The following CFAP74 variants were observed in gnomAD, a reference collection of about 807,000 sequenced individuals.
The protein encoded by CFAP74 is cilia and flagella associated protein 74, also known as cilia- and flagella-associated protein 74.
In CFAP74, 124 loss-of-function variants were observed where a neutral mutation model predicts 188.9. The observed-to-expected ratio is 0.66, with a 90% confidence interval of 0.57 to 0.76. CFAP74 has a LOEUF of 0.76. Ranked by LOEUF, CFAP74 falls within the 30% of genes least tolerant of loss-of-function variation. The pLI is 0.00. For missense variants in CFAP74, 2,198 were observed against 2,165.2 expected, an observed-to-expected ratio of 1.02 and a Z score of -0.30; for synonymous variants, 956 against 916.7, an observed-to-expected ratio of 1.04 and a Z score of -0.77.
intron 18 of CFAP74, 21 bp downstream of exon 18, chr1:1,955,670 T>C (rs1654563642): frequency 1.9e-6 from 3 of 1,604,766 alleles, no homozygotes; most frequent in Non-Finnish European, 2.6e-6. Context: ...CACCCTGGCT[T>C]GGCCTGGCAG....
intron 22 of CFAP74, among the ~76,000 whole-genome samples, chr1:1,941,620 G>A (rs1653381193): frequency 6.6e-6 from 1 of 152,184 alleles, no homozygotes; most frequent in Non-Finnish European, 1.5e-5. Context: ...AGGGAAGACA[G>A]CGGGGGAGTG....
At chr1:1,922,863 C>T (rs1182144218) in intron 37 of CFAP74, 122 bp downstream of exon 37, 70 of 1,485,478 alleles carry the variant, frequency 4.7e-5, no homozygotes, top group East Asian at 1.4e-4. Context: ...ACAGGAAGTC[C>T]GAGAAAAGCC....
intron 27 of CFAP74, 23 bp from the exon 28 acceptor site, chr1:1,927,769 T>C: frequency 6.5e-7 from 1 of 1,547,086 alleles, no homozygotes; most frequent in Non-Finnish European, 8.7e-7. Context: ...CGACTGGCTG[T>C]GGGGCTGTGC....
rs1048014213 is a variant in CFAP74 at position 1,936,410 on chromosome 1, G to A, written c.3011+2445C>T. 2.0e-5 allele frequency among the ~76,000 whole-genome samples: 3 copies of A among 151,428 alleles called. 1 individual carries two copies. Among genetic ancestry groups the A allele is most frequent in the Middle Eastern group, 6.3e-3 (2 of 316 alleles). On this transcript the variant is annotated intron_variant, in intron 25 of 38. Coordinates refer to ENST00000682832, the MANE Select transcript of CFAP74 (RefSeq NM_001304360.2). ...AATACAAAAATTAGCTGGGCGTGGT[G>A]GTGCACACCTATAGTCCCAGCTACT...
chr1:1,954,053 T>C (rs1654368963), intron 18 of CFAP74: 1 of 152,200 alleles, frequency 6.6e-6, no homozygotes, highest in African/African-American at 2.4e-5. Context: ...TAAACAGAGA[T>C]GTCACACCAA....
At chr1:1,925,153 C>T (rs769574282) in intron 33 of CFAP74, among the ~76,000 whole-genome samples, 8 of 142,936 alleles carry the variant, frequency 5.6e-5, no homozygotes, top group Non-Finnish European at 7.5e-5. Context: ...CAGGGCAGGG[C>T]GAAGGCATGA....
intron 9 of CFAP74, among the ~76,000 whole-genome samples, chr1:1,971,585 T>C (rs1656080674): frequency 6.6e-6 from 1 of 152,260 alleles, no homozygotes; most frequent in Non-Finnish European, 1.5e-5. Context: ...TGCCCGCCTC[T>C]GCTCCTCACC....
rs987005079 is a variant in CFAP74 at position 1,927,068 on chromosome 1, C to G, written c.3528-40G>C. Reference sequence around the variant, plus strand: ...GAGGCTTGCGCTCCCGCCTTGCCCCCACCCACCATCGGCCCAGGCCGGACC... The same window carrying G: ...GAGGCTTGCGCTCCCGCCTTGCCCCGACCCACCATCGGCCCAGGCCGGACC... On this transcript the variant is annotated intron_variant, in intron 28 of 38. Transcript: ENST00000682832. 6.5e-6 allele frequency: 10 copies of G among 1,549,080 alleles called. No individual in the cohort carries two copies. The African/African-American group carries it at 8.2e-5, about 13-fold the overall frequency.
rs1049669071 is a variant in CFAP74, at chr1:1,975,042, A to G, written c.501-844T>C. Among the ~76,000 whole-genome samples the G allele has an allele frequency of 6.6e-6, 1 of 152,258 alleles. No individual in the cohort carries two copies. Among genetic ancestry groups the G allele is most frequent in the African/African-American group, 2.4e-5 (1 of 41,474 alleles). On this transcript the variant is annotated intron_variant, in intron 6 of 38. Coordinates refer to ENST00000682832, the MANE Select transcript of CFAP74 (RefSeq NM_001304360.2). This position sits in a 1 kb window ranked among gnomAD's most constrained non-coding sequence, Gnocchi z 4.5. Reference sequence around the variant, plus strand: ...CCACGCGAGGATCAGAACCCTGGACAAGGTCAGACGCAGGCGTTGAGCCGG... The same window carrying G: ...CCACGCGAGGATCAGAACCCTGGACGAGGTCAGACGCAGGCGTTGAGCCGG...
At chr1:1,969,446 TCCTGCCCAGC>T (rs1375143423) in intron 10 of CFAP74, among the ~76,000 whole-genome samples, 2 of 62,196 alleles carry the variant, frequency 3.2e-5, no homozygotes, top group East Asian at 9.9e-4. Context: ...CCAAGTCCAG[TCCTGCCCAGC>T]CCTGCCCAGC....
intron 33 of CFAP74, among the ~76,000 whole-genome samples, chr1:1,925,307 C>A (rs2092924): frequency 0.37 from 53,417 of 142,552 alleles, 12,353 homozygotes; most frequent in Admixed American, 0.51. Flanking sequence ...TGAGGGCACA[C>A]GCTGGTGTGA....
Position 2,001,448 on chromosome 1 carries a change from G to A in CFAP74, c.-20+2253C>T, listed in dbSNP as rs189250622. ...GGGTTCACGCCATTCTCCTGCCTCA[G>A]CCTCCCGAGTAGCTGGGACTACAGG... On this transcript the variant is annotated intron_variant, in intron 1 of 38. Coordinates refer to ENST00000682832, the MANE Select transcript of CFAP74 (RefSeq NM_001304360.2). Among the ~76,000 whole-genome samples, 537 of 151,940 alleles carry A rather than the reference G, an allele frequency of 3.5e-3. 5 individuals carry two copies. Among genetic ancestry groups the A allele is most frequent in the African/African-American group, 0.012 (509 of 41,420 alleles).
Position 1,923,962 on chromosome 1 carries a change from T to A in CFAP74, c.4235-33A>T. 6.3e-7 allele frequency: 1 copy of A among 1,584,144 alleles called. No individual in the cohort carries two copies. The highest frequency in any genetic ancestry group is 8.6e-7 in the Non-Finnish European group (1 of 1,164,882). On this transcript the variant is annotated intron_variant, in intron 34 of 38. Transcript: ENST00000682832. The surrounding 1 kb of genome is among the most constrained non-coding windows in gnomAD (Gnocchi z 6.3). ...TAGGGTGGGGTGCAGTTTGGCCTTC[T>A]CCACCTGCAATCACTGTCTGCCCTC... is the stretch of plus-strand genomic sequence containing the variant.
At chr1:1,924,105 C>A (rs1167674661) in intron 34 of CFAP74, among the ~76,000 whole-genome samples, 176 bp from the exon 35 acceptor site, 1 of 115,458 alleles carries the variant, frequency 8.7e-6, no homozygotes, top group Non-Finnish European at 1.8e-5. Flanking sequence ...AGCGCCCACC[C>A]CCCCCATCTC....
chr1:1,930,033 C>A, intron 26 of CFAP74, 27 bp downstream of exon 26: 1 of 1,487,024 alleles, frequency 6.7e-7, no homozygotes, highest in Non-Finnish European at 9.0e-7. Flanking sequence ...TCCTGCTTCC[C>A]AGCCTGCATG....
chr1:1,954,663 AGT>A, intron 18 of CFAP74: 1 of 270,598 alleles, frequency 3.7e-6, no homozygotes, highest in Non-Finnish European at 5.9e-6. Flanking sequence ...GCGTGCCTGT[AGT>A]TCCAGCTACT....
chr1:1,955,876 C>T (rs752124090), intron 17 of CFAP74, 26 bp from the exon 18 acceptor site: 1 of 1,592,464 alleles, frequency 6.3e-7, no homozygotes, highest in Non-Finnish European at 8.6e-7. Flanking sequence ...AACATCCTGG[C>T]TTGGGAGGTT....
At chr1:1,966,316 G>A (rs908902242) in intron 12 of CFAP74, 55 bp downstream of exon 12, 12 of 1,414,148 alleles carry the variant, frequency 8.5e-6, no homozygotes, top group South Asian at 3.2e-5. Flanking sequence ...GTGGCGAGCC[G>A]GCGACAGAGG....
At position 1,974,098 on chromosome 1, in the gene CFAP74, G is replaced by C; in HGVS notation, c.601C>G (p.Arg201Gly). 2 of 1,612,212 alleles carry C rather than the reference G, an allele frequency of 1.2e-6. No individual in the cohort carries two copies. Among genetic ancestry groups the C allele is most frequent in the East Asian group, 2.2e-5 (1 of 44,784 alleles). ...TCTCTGCAGAGCTGCTCGGCTGCGC[G>C]CACCTGGAGCCGCCGCCCCGTGGCC... is the stretch of plus-strand genomic sequence containing the variant. ...VEATGRRLQV[R>G]AAEQLCREQE... Residue 201 changes from arginine to glycine, a missense_variant, in exon 7 of 39, where the codon CGC becomes GGC. Arg to Gly is a moderately radical substitution (Grantham distance 125, BLOSUM62 -2). Transcript: ENST00000682832.
Sources: gnomAD v4.1 joint callset for allele counts (sites outside exome capture counted in the v4.1 genomes callset) on GRCh38, gnomAD v4.1.1 for gene constraint, Gnocchi (gnomAD v3.1) non-coding constraint, MANE v1.5 for transcripts, NCBI Gene and HGNC (gene_info 2026-07-23, HGNC 2026-07-21) for gene names.